Variants in CLVS1 observed in about 807,000 individuals in gnomAD.
CLVS1 encodes the protein clavesin-1.
CLVS1 carries 10 observed loss-of-function variants against 33.1 expected under a neutral mutation model. The observed-to-expected ratio is 0.30, with a 90% CI of 0.19 to 0.51. The LOEUF is 0.51. Among genes scored for constraint, CLVS1 ranks in the 20% least tolerant of loss-of-function variants. The pLI, the probability that CLVS1 is intolerant of heterozygous loss-of-function variation, is 0.97. For synonymous variants in CLVS1, 163 were observed against 166.1 expected, an observed-to-expected ratio of 0.98 and a Z score of 0.14; for missense variants, 343 against 433.4, an observed-to-expected ratio of 0.79 and a Z score of 1.85.
At position 61,294,230 on chromosome 8, in the gene CLVS1, CA is replaced by C. The variant is rs1362720839; in HGVS notation, c.-151-5443del. On this transcript the variant is annotated intron_variant, in intron 1 of 5. Coordinates refer to ENST00000325897, the MANE Select transcript of CLVS1 (RefSeq NM_173519.3). ...CCTACTTGGAGAGCAGAGTCTTGGA[CA>C]AAACGTGGGTAAAGTAGGTTTGAGT... Among the ~76,000 whole-genome samples, 3 of 152,150 alleles carry C rather than the reference CA, an allele frequency of 2.0e-5. No homozygotes were observed. The South Asian group carries it at 6.2e-4, about 32-fold the overall frequency.
At chr8:61,415,284 C>T (rs1815386182) in intron 3 of CLVS1, among the ~76,000 whole-genome samples, 1 of 152,252 alleles carries the variant, frequency 6.6e-6, no homozygotes, top group Non-Finnish European at 1.5e-5. Flanking sequence ...AGTGGTGGCC[C>T]AGGTGGCCAC....
chr8:61,219,165 C>CT (rs1808156695), intron 2 of CLVS1, among the ~76,000 whole-genome samples: 2 of 151,870 alleles, frequency 1.3e-5, no homozygotes, highest in African/African-American at 4.8e-5. Context: ...AATTCTTTTT[C>CT]TTTTTTCTTT....
the CLVS1 span, among the ~76,000 whole-genome samples, chr8:60,973,630 C>T: frequency 6.6e-6 from 1 of 152,228 alleles, no homozygotes; most frequent in East Asian, 1.9e-4. Context: ...AAGGGAGCAT[C>T]TTGCAGGTCA....
intron 2 of CLVS1, among the ~76,000 whole-genome samples, chr8:61,177,675 C>T (rs1010361768): frequency 4.6e-5 from 7 of 151,996 alleles, no homozygotes; most frequent in Admixed American, 3.9e-4. Flanking sequence ...GTGACATCTC[C>T]AGGCATGGGA....
At chr8:61,384,680 C>A (rs999245378) in intron 3 of CLVS1, among the ~76,000 whole-genome samples, 2 of 152,082 alleles carry the variant, frequency 1.3e-5, no homozygotes, top group Non-Finnish European at 2.9e-5. Context: ...ATATCTTCAT[C>A]ATTTACCTTA....
At chr8:61,233,861 C>T (rs1808497822) in intron 2 of CLVS1, among the ~76,000 whole-genome samples, 1 of 152,250 alleles carries the variant, frequency 6.6e-6, no homozygotes, top group Non-Finnish European at 1.5e-5. Flanking sequence ...GAGGCTGCCC[C>T]AGGCTGACCT....
At chr8:61,274,421 C>T (rs756495823) in intron 2 of CLVS1, among the ~76,000 whole-genome samples, 1 of 152,090 alleles carries the variant, frequency 6.6e-6, no homozygotes, top group Non-Finnish European at 1.5e-5. Context: ...TTGATAAGGC[C>T]ATTTCTCTAC....
chr8:61,499,457 C>A lies in CLVS1; in HGVS notation c.980C>A (p.Ser327Tyr). ...CTTTTTCCCTCCCCTCTTGTTAGAT[C>A]TCAGTCTGTGGTAGAAGCTGGGACC... ...RECSPKLMKR[S>Y]QSVVEAGTLK... The change falls in exon 6 of 6, where the codon TCT (serine) becomes TAT (tyrosine). Residue 327 changes from serine to tyrosine, a missense_variant and splice_region_variant. Coordinates refer to ENST00000325897, the MANE Select transcript of CLVS1 (RefSeq NM_173519.3). 6.2e-7 allele frequency: 1 copy of A among 1,610,772 alleles called. No individual in the cohort carries two copies. The highest frequency in any genetic ancestry group is 1.1e-5 in the South Asian group (1 of 90,976).
At chr8:61,400,875 A>T (rs189177769) in intron 3 of CLVS1, among the ~76,000 whole-genome samples, 3 of 152,144 alleles carry the variant, frequency 2.0e-5, no homozygotes, top group African/African-American at 7.2e-5. Context: ...CCATCCAGGG[A>T]TGAAGCCTAC....
the CLVS1 span, among the ~76,000 whole-genome samples, chr8:61,024,262 G>T: frequency 2.6e-5 from 4 of 152,244 alleles, no homozygotes; most frequent in South Asian, 8.3e-4. Context: ...GCAAGCCATT[G>T]GTTTTCTTAG....
the CLVS1 span, among the ~76,000 whole-genome samples, chr8:61,030,002 A>G: frequency 2.6e-5 from 4 of 152,318 alleles, no homozygotes; most frequent in South Asian, 8.3e-4. Context: ...CATCCCTGCA[A>G]GAGTCCCAGG....
intron 3 of CLVS1, among the ~76,000 whole-genome samples, chr8:61,388,596 C>T (rs780017282): frequency 5.3e-5 from 8 of 151,846 alleles, no homozygotes; most frequent in Non-Finnish European, 7.4e-5. Flanking sequence ...ATTAAGCCTG[C>T]GCACTTCATT....
chr8:61,074,116 T>C (rs934040792), intron 1 of CLVS1, among the ~76,000 whole-genome samples: 2 of 151,158 alleles, frequency 1.3e-5, no homozygotes, highest in Non-Finnish European at 2.9e-5. Flanking sequence ...GGCGGAAGCA[T>C]GGCTTGAGCC....
intron 2 of CLVS1, among the ~76,000 whole-genome samples, chr8:61,305,746 C>A (rs1301043535): frequency 6.6e-6 from 1 of 152,082 alleles, no homozygotes; most frequent in East Asian, 1.9e-4. Context: ...GTTTATTGTT[C>A]CCCTTTATGT....
At chr8:61,435,988 T>G (rs1454817109) in intron 3 of CLVS1, among the ~76,000 whole-genome samples, 1 of 152,246 alleles carries the variant, frequency 6.6e-6, no homozygotes, top group Admixed American at 6.5e-5. Flanking sequence ...CTTAATATTT[T>G]ATGTGTATTT....
chr8:61,159,106 C>T (rs930996567), intron 2 of CLVS1, among the ~76,000 whole-genome samples: 1 of 152,188 alleles, frequency 6.6e-6, no homozygotes, highest in African/African-American at 2.4e-5. Flanking sequence ...CTCCTGGGCT[C>T]AAGTGATTCT....
the CLVS1 span, among the ~76,000 whole-genome samples, chr8:60,973,213 A>G: frequency 6.6e-6 from 1 of 152,240 alleles, no homozygotes; most frequent in African/African-American, 2.4e-5. Context: ...TGCGCAAGTT[A>G]AAGTTGATTT....
intron 2 of CLVS1, among the ~76,000 whole-genome samples, chr8:61,159,925 A>G (rs1362118454): frequency 6.6e-6 from 1 of 152,242 alleles, no homozygotes; most frequent in African/African-American, 2.4e-5. Flanking sequence ...TTTCCTGTGC[A>G]TTCTCCAGCA....
chr8:61,270,292 C>T (rs1403877761), intron 2 of CLVS1, among the ~76,000 whole-genome samples: 46 of 152,120 alleles, frequency 3.0e-4, no homozygotes, highest in Middle Eastern at 3.4e-3. Context: ...TTGTCTTTGG[C>T]TCTGTTTATA....
Sources: allele counts gnomAD v4.1 joint callset (sites outside exome capture counted in the v4.1 genomes callset), GRCh38; gene constraint gnomAD v4.1.1; transcripts MANE v1.5; gene names NCBI Gene and HGNC (gene_info 2026-07-23, HGNC 2026-07-21).